TMPRSS11F: variants seen among roughly 807,000 people sequenced by gnomAD.
The protein encoded by TMPRSS11F is transmembrane protease serine 11F.
Under a neutral mutation model 60.2 loss-of-function variants are expected in TMPRSS11F, and 47 were observed. The ratio of observed to expected loss-of-function variants is 0.78; its 90% CI spans 0.62 to 1.00. TMPRSS11F has a LOEUF of 1.00. Ranked by LOEUF, TMPRSS11F falls within the 50% of genes least tolerant of loss-of-function variation. TMPRSS11F has a pLI of 0.00. For missense variants in TMPRSS11F, 519 were observed against 522.9 expected (o/e 0.99, Z 0.07); for synonymous variants, 166 against 167.3 (o/e 0.99, Z 0.06).
chr4:68,062,285 T>G (rs1460024033), intron 8 of TMPRSS11F: 1 of 429,876 alleles, frequency 2.3e-6, no homozygotes, highest in Non-Finnish European at 4.5e-6. Flanking sequence ...AAAAACATCT[T>G]ATTAAATTTC....
At chr4:68,062,282 TC>T (rs1723199900) in intron 8 of TMPRSS11F, 1 of 428,744 alleles carries the variant, frequency 2.3e-6, no homozygotes, top group Non-Finnish European at 4.5e-6. Context: ...ATCAAAAACA[TC>T]TTATTAAATT....
intron 1 of TMPRSS11F, among the ~76,000 whole-genome samples, chr4:68,107,669 A>G (rs999236368): frequency 1.3e-5 from 2 of 152,106 alleles, no homozygotes; most frequent in Admixed American, 6.6e-5. Flanking sequence ...GCAGGCCACA[A>G]TAAGAACCAT....
Position 68,109,311 on chromosome 4 carries a change from C to T in TMPRSS11F, c.12-10273G>A, listed in dbSNP as rs190620254. ...TACTCCAGTAACAGAAATAAAATCA[C>T]TTATACATTTACAGCTCCTCCCACT... is the stretch of plus-strand genomic sequence containing the variant. On this transcript the variant is annotated intron_variant, in intron 1 of 9. Transcript: ENST00000356291. Among the ~76,000 whole-genome samples, 201 of 152,226 alleles carry T rather than the reference C, an allele frequency of 1.3e-3. 1 individual carries two copies. The highest frequency in any genetic ancestry group is 4.7e-3 in the African/African-American group (197 of 41,542).
At chr4:68,084,198 C>T (rs4860900) in intron 3 of TMPRSS11F, among the ~76,000 whole-genome samples, 55,428 of 151,906 alleles carry the variant, frequency 0.36, 12,575 homozygotes, top group Non-Finnish European at 0.52. Flanking sequence ...GATCCACTGG[C>T]ATTCCAGATA....
At chr4:68,054,635 C>T (rs1723004134) in intron 9 of TMPRSS11F, among the ~76,000 whole-genome samples, 1 of 152,044 alleles carries the variant, frequency 6.6e-6, no homozygotes, top group Non-Finnish European at 1.5e-5. Context: ...AGCTGAAATG[C>T]CGGTTTCAGG....
intron 7 of TMPRSS11F, among the ~76,000 whole-genome samples, chr4:68,068,037 CAG>C (rs889482062): frequency 2.0e-5 from 3 of 152,152 alleles, no homozygotes; most frequent in Admixed American, 6.5e-5. Flanking sequence ...AAAGCCCAAA[CAG>C]AGAGATTTTG....
intron 8 of TMPRSS11F, chr4:68,061,698 T>A: frequency 3.4e-5 from 13 of 387,164 alleles, no homozygotes; most frequent in South Asian, 2.4e-4. Flanking sequence ...TTTTGAAGAG[T>A]CAATCACTGA....
chr4:68,107,710 G>T (rs535628817), intron 1 of TMPRSS11F, among the ~76,000 whole-genome samples: 1 of 152,200 alleles, frequency 6.6e-6, no homozygotes, highest in South Asian at 2.1e-4. Context: ...GGGCCAAGGC[G>T]GGCAGATCAC....
chr4:68,083,452 A>T (rs1723747156), intron 3 of TMPRSS11F, among the ~76,000 whole-genome samples: 1 of 152,192 alleles, frequency 6.6e-6, no homozygotes, highest in Admixed American at 6.5e-5. Flanking sequence ...TCTGCCAGTC[A>T]TTACTCTTAA....
chr4:68,112,229 T>A lies in TMPRSS11F; in HGVS notation c.12-13191A>T, dbSNP rs201721932. ...TCTAGCTTCCCTACTGAACTGTCTTTGAGCCTTTGAACATGCCCCCACACT... is the reference window on the plus strand; with the variant it reads ...TCTAGCTTCCCTACTGAACTGTCTTAGAGCCTTTGAACATGCCCCCACACT... On this transcript the variant is annotated intron_variant, in intron 1 of 9. Coordinates refer to ENST00000356291, the MANE Select transcript of TMPRSS11F (RefSeq NM_207407.2). Among the ~76,000 whole-genome samples the A allele has an allele frequency of 1.3e-4, 20 of 152,292 alleles. No homozygotes were observed. The East Asian group carries it at 3.7e-3, about 28-fold the overall frequency.
chr4:68,076,224 T>A (rs1723581432), intron 3 of TMPRSS11F, among the ~76,000 whole-genome samples: 1 of 152,196 alleles, frequency 6.6e-6, no homozygotes, highest in South Asian at 2.1e-4. Flanking sequence ...CCTTCCATGC[T>A]TAATATAAGG....
At chr4:68,126,380 T>C (rs1724714684) in intron 1 of TMPRSS11F, among the ~76,000 whole-genome samples, 1 of 152,232 alleles carries the variant, frequency 6.6e-6, no homozygotes. Flanking sequence ...CTGATGTTTT[T>C]ATCTCTTCAA....
At chr4:68,063,501 C>G (rs1027144214) in intron 8 of TMPRSS11F, among the ~76,000 whole-genome samples, 15 of 152,076 alleles carry the variant, frequency 9.9e-5, no homozygotes, top group Non-Finnish European at 1.8e-4. Flanking sequence ...CTCAGCCTCC[C>G]AAGTAGCTGG....
chr4:68,068,677 C>A lies in TMPRSS11F; in HGVS notation c.696G>T (p.Gln232His), dbSNP rs1723384625. ...ASLQLIGSGH[Q>H]CGASLISNTW... ...TGTTACTGATGAGGCTGGCTCCACA[C>A]TGATGGCCTGACCCTATGAGCTGGA... is the stretch of plus-strand genomic sequence containing the variant. The change falls in exon 7 of 10, where the codon CAG becomes CAT. Residue 232 changes from glutamine (Q) to histidine (H), a missense_variant. Transcript: ENST00000356291. 1 of 1,614,212 alleles carries A rather than the reference C, an allele frequency of 6.2e-7. No individual in the cohort carries two copies. The highest frequency in any genetic ancestry group is 1.7e-5 in the Admixed American group (1 of 60,020).
intron 1 of TMPRSS11F, among the ~76,000 whole-genome samples, chr4:68,102,217 C>T (rs902483694): frequency 1.3e-5 from 2 of 152,128 alleles, no homozygotes; most frequent in Non-Finnish European, 2.9e-5. Context: ...CCTTATCCAT[C>T]TGTCAATGGA....
chr4:68,058,403 C>A (rs1723089210), intron 9 of TMPRSS11F, among the ~76,000 whole-genome samples: 1 of 151,908 alleles, frequency 6.6e-6, no homozygotes, highest in African/African-American at 2.4e-5. Flanking sequence ...AAAGTAGAAG[C>A]TGGAAGAAAG....
chr4:68,105,049 G>GTTTTTTTTTTTT (rs34041075), intron 1 of TMPRSS11F, among the ~76,000 whole-genome samples: 7 of 55,170 alleles, frequency 1.3e-4, no homozygotes, highest in African/African-American at 3.9e-4. Context: ...TTCCCTCTAG[G>GTTTTTTTTTTTT]TTTTTTTTTT....
At chr4:68,126,105 CT>C (rs1335871491) in intron 1 of TMPRSS11F, among the ~76,000 whole-genome samples, 1 of 152,064 alleles carries the variant, frequency 6.6e-6, no homozygotes, top group Non-Finnish European at 1.5e-5. Flanking sequence ...ACGTTTCCTC[CT>C]CTTCCTCCTA....
rs189198957 is a variant in TMPRSS11F, at chr4:68,057,741, T to C, written c.1158+1585A>G. Among the ~76,000 whole-genome samples the C allele has an allele frequency of 5.9e-5, 9 of 152,192 alleles. No individual in the cohort carries two copies. In the East Asian group the frequency reaches 1.7e-3, roughly 29 times the overall value. On this transcript the variant is annotated intron_variant, in intron 9 of 9. Transcript: ENST00000356291. ...TCAAAAGAAGACATACAAATGACCA[T>C]CACATTCATGAAAAAAATGCTCAGT... is the stretch of plus-strand genomic sequence containing the variant.
Sources: gnomAD v4.1 joint callset for allele counts (sites outside exome capture counted in the v4.1 genomes callset) on GRCh38, gnomAD v4.1.1 for gene constraint, MANE v1.5 for transcripts, NCBI Gene and HGNC (gene_info 2026-07-23, HGNC 2026-07-21) for gene names.